The following MANSC1 variants were observed in gnomAD, a reference collection of about 807,000 sequenced individuals.
The protein encoded by MANSC1 is MANSC domain containing 1.
A neutral mutation model predicts 14.1 loss-of-function variants in MANSC1; 13 were observed. The ratio of observed to expected loss-of-function variants is 0.92; its 90% CI spans 0.60 to 1.46. The LOEUF (loss-of-function observed/expected upper bound fraction) is 1.46, where lower values mean the gene tolerates loss of function less well. Ranked by LOEUF, MANSC1 falls within the 40% of genes most tolerant of loss-of-function variation. The probability of loss-of-function intolerance (pLI) is 0.00; values close to 1 mark genes in which losing one functional copy is unlikely to be tolerated. For missense variants in MANSC1, 486 were observed against 511.4 expected, an observed-to-expected ratio of 0.95 and a Z score of 0.48; for synonymous variants, 227 against 200.7, an observed-to-expected ratio of 1.13 and a Z score of -1.11.
At chr12:12,344,204 C>G (rs898556686) in intron 1 of MANSC1, among the ~76,000 whole-genome samples, 1 of 151,900 alleles carries the variant, frequency 6.6e-6, no homozygotes, top group African/African-American at 2.4e-5. Context: ...TTGTTATTCT[C>G]TTTAATTTAT....
intron 2 of MANSC1, among the ~76,000 whole-genome samples, chr12:12,342,525 G>A (rs972499009): frequency 7.1e-6 from 1 of 141,570 alleles, no homozygotes; most frequent in African/African-American, 2.7e-5. Context: ...CAGACTAATT[G>A]ATTCCCCATC....
rs551904365 is a variant in MANSC1, at chr12:12,330,552, A to G, written c.771T>C (p.Ser257=). Residue 257 remains serine (S), a synonymous_variant, in exon 4 of 4, where the codon TCT becomes TCC. Coordinates refer to ENST00000535902, the MANE Select transcript of MANSC1 (RefSeq NM_018050.4). ...LLPTNASVTP[S]GTSQPQLATT... ...TGGCCAGCTGTGGCTGGGAAGTCCC[A>G]GAAGGTGTCACTGAAGCATTGGTGG... 2 of 1,614,216 alleles carry G rather than the reference A, an allele frequency of 1.2e-6. No individual in the cohort carries two copies. The highest frequency in any genetic ancestry group is 1.3e-5 in the African/African-American group (1 of 75,054).
chr12:12,341,529 T>C (rs146653329), intron 2 of MANSC1, among the ~76,000 whole-genome samples: 10 of 152,312 alleles, frequency 6.6e-5, no homozygotes, highest in African/African-American at 2.2e-4. Flanking sequence ...TCAAGTATAG[T>C]TGAAAGGGGC....
At chr12:12,349,373 T>C (rs1468211656) in intron 1 of MANSC1, among the ~76,000 whole-genome samples, 1 of 152,198 alleles carries the variant, frequency 6.6e-6, no homozygotes, top group Non-Finnish European at 1.5e-5. Context: ...ACCTGAACTA[T>C]GTAAGGAGAT....
intron 1 of MANSC1, among the ~76,000 whole-genome samples, chr12:12,348,991 A>G (rs922433445): frequency 6.6e-6 from 1 of 152,238 alleles, no homozygotes; most frequent in African/African-American, 2.4e-5. Context: ...GTGGTCATCT[A>G]ATAACTGCCA....
At chr12:12,345,614 C>A (rs1863000629) in intron 1 of MANSC1, among the ~76,000 whole-genome samples, 1 of 152,150 alleles carries the variant, frequency 6.6e-6, no homozygotes, top group African/African-American at 2.4e-5. Flanking sequence ...ACTGGCAAGA[C>A]AATACAAGAA....
At chr12:12,344,916 CATATATATATATATATAT>C (rs536743365) in intron 1 of MANSC1, among the ~76,000 whole-genome samples, 691 of 33,562 alleles carry the variant, frequency 0.021, 28 homozygotes, top group East Asian at 0.16. Flanking sequence ...AATAAACTCC[CATATATATATATATATAT>C]ATATATATAT....
chr12:12,342,843 G>T (rs553908527), intron 2 of MANSC1, among the ~76,000 whole-genome samples: 1 of 152,156 alleles, frequency 6.6e-6, no homozygotes, highest in African/African-American at 2.4e-5. Flanking sequence ...TACCAGTTGG[G>T]ATATAACACC....
At chr12:12,341,269 T>G (rs1862929053) in intron 2 of MANSC1, among the ~76,000 whole-genome samples, 1 of 152,186 alleles carries the variant, frequency 6.6e-6, no homozygotes, top group South Asian at 2.1e-4. Context: ...CAGTTTATAA[T>G]AAGGGATACA....
chr12:12,348,805 A>G (rs1389527899), intron 1 of MANSC1, among the ~76,000 whole-genome samples: 1 of 151,742 alleles, frequency 6.6e-6, no homozygotes, highest in Non-Finnish European at 1.5e-5. Flanking sequence ...AAAATTCTGT[A>G]TACAGTAAAA....
chr12:12,334,496 A>G (rs1862832394), intron 3 of MANSC1, among the ~76,000 whole-genome samples: 1 of 152,180 alleles, frequency 6.6e-6, no homozygotes, highest in African/African-American at 2.4e-5. Context: ...AGATATAAAC[A>G]GTCCTTTGCA....
chr12:12,329,830 G>C lies in MANSC1; in HGVS notation c.*197C>G. On this transcript the variant is annotated 3_prime_UTR_variant, in exon 4 of 4. Transcript: ENST00000535902. ...ACCCAGGAGACGGAGGTTGCGGTGA[G>C]AGCCGAGATCGTGCTACTGCACTCC... The C allele has an allele frequency of 3.7e-6, 2 of 544,004 alleles. No individual in the cohort carries two copies. Among genetic ancestry groups the C allele is most frequent in the Non-Finnish European group, 6.5e-6 (2 of 309,644 alleles). 33.7% of individuals were successfully genotyped at this position (544,004 alleles called of 1,614,324 possible).
chr12:12,341,885 G>A (rs1266814509), intron 2 of MANSC1, among the ~76,000 whole-genome samples: 2 of 152,228 alleles, frequency 1.3e-5, no homozygotes, highest in Admixed American at 6.5e-5. Flanking sequence ...TCAGCTACCC[G>A]GGAGGCTGAG....
At chr12:12,337,651 A>G (rs1388215169) in intron 3 of MANSC1, among the ~76,000 whole-genome samples, 1 of 152,210 alleles carries the variant, frequency 6.6e-6, no homozygotes, top group East Asian at 1.9e-4. Context: ...TGAAGGGTCC[A>G]CAGAATTACC....
At position 12,332,622 on chromosome 12, in the gene MANSC1, G is replaced by C. The variant is rs532660356; in HGVS notation, c.365-1664C>G. Among the ~76,000 whole-genome samples the C allele has an allele frequency of 1.3e-5, 2 of 152,246 alleles. 1 individual carries two copies. The highest frequency in any genetic ancestry group is 3.9e-4 in the East Asian group (2 of 5,182). ...TGCAACCTCTGCCTTCCAGATTCAG[G>C]CGATTCTCCTACCTCTGCCTCCTGA... On this transcript the variant is annotated intron_variant, in intron 3 of 3. Coordinates refer to ENST00000535902, the MANE Select transcript of MANSC1 (RefSeq NM_018050.4).
chr12:12,346,270 C>CA (rs146329722), intron 1 of MANSC1, among the ~76,000 whole-genome samples: 20,484 of 143,468 alleles, frequency 0.14, 1,469 homozygotes, highest in African/African-American at 0.21. Flanking sequence ...GACTCCGTCT[C>CA]AAAAAAAAAA....
intron 3 of MANSC1, among the ~76,000 whole-genome samples, chr12:12,337,835 TAAGTTCCATG>T (rs1428295601): frequency 6.6e-6 from 1 of 152,236 alleles, no homozygotes; most frequent in Non-Finnish European, 1.5e-5. Context: ...AATTAATATG[TAAGTTCCATG>T]AACATGGAGA....
In MANSC1 at chr12:12,343,399, A is replaced by T. The variant is rs1023640615; in HGVS notation, c.-85T>A. ...AGTTTGCTTTAAGAAGGCTGCACAG[A>T]TGATGAGATTTCTCTCTAGAACAAA... On this transcript the variant is annotated 5_prime_UTR_variant, in exon 2 of 4. Coordinates refer to ENST00000535902, the MANE Select transcript of MANSC1 (RefSeq NM_018050.4). 2.4e-6 allele frequency: 2 copies of T among 843,654 alleles called. No individual in the cohort carries two copies. The highest frequency in any genetic ancestry group is 3.8e-6 in the Non-Finnish European group (2 of 529,358). 52.3% of individuals were successfully genotyped at this position (843,654 alleles called of 1,614,324 possible).
Position 12,330,948 on chromosome 12 carries a change from A to C in MANSC1, c.375T>G (p.Ser125=), listed in dbSNP as rs1443600686. The C allele has an allele frequency of 6.3e-7, 1 of 1,576,272 alleles. No homozygotes were observed. Among genetic ancestry groups the C allele is most frequent in the Non-Finnish European group, 8.6e-7 (1 of 1,163,538 alleles). ...MSYRIITDFP[S]LTRNLPSQEL... ...CTTGGCTTGGCAAATTTCTGGTCAAAGATGGAAAATCTGAAAATGTATGGA... is the reference window on the plus strand; with the variant it reads ...CTTGGCTTGGCAAATTTCTGGTCAACGATGGAAAATCTGAAAATGTATGGA... Residue 125 remains serine, a synonymous_variant, in exon 4 of 4, where the codon TCT becomes TCG. Coordinates refer to ENST00000535902, the MANE Select transcript of MANSC1 (RefSeq NM_018050.4).
Sources: allele counts gnomAD v4.1 joint callset (sites outside exome capture counted in the v4.1 genomes callset), GRCh38; gene constraint gnomAD v4.1.1; transcripts MANE v1.5; gene names NCBI Gene and HGNC (gene_info 2026-07-23, HGNC 2026-07-21).